Variants in PAPPA2 observed in about 807,000 individuals in gnomAD.
PAPPA2 encodes pappalysin-2.
A neutral mutation model predicts 176.4 loss-of-function variants in PAPPA2; 86 were observed. The observed-to-expected ratio is 0.49, with a 90% CI of 0.41 to 0.58. The LOEUF (loss-of-function observed/expected upper bound fraction) is 0.58, where lower values mean the gene tolerates loss of function less well. PAPPA2 is among the 20% of genes least tolerant of loss of function. The pLI is 0.00. For synonymous variants in PAPPA2, 809 were observed against 852.2 expected, an observed-to-expected ratio of 0.95 and a Z score of 0.88; for missense variants, 2,073 against 2,256.9, an observed-to-expected ratio of 0.92 and a Z score of 1.65.
Position 176,696,090 on chromosome 1 carries a change from G to A in PAPPA2, c.2746+231G>A, listed in dbSNP as rs182358024. On this transcript the variant is annotated intron_variant, in intron 7 of 22. Coordinates refer to ENST00000367662, the MANE Select transcript of PAPPA2 (RefSeq NM_020318.3). ...TGCCTAACATGGAGGCCCCATGGCTGTGGTAAAGCAGAGACCAGCATATAG... is the reference window on the plus strand; with the variant it reads ...TGCCTAACATGGAGGCCCCATGGCTATGGTAAAGCAGAGACCAGCATATAG... Among the ~76,000 whole-genome samples the A allele has an allele frequency of 2.7e-3, 417 of 152,024 alleles. 10 individuals carry two copies. Among genetic ancestry groups the A allele is most frequent in the Admixed American group, 0.026 (396 of 15,236 alleles).
At chr1:176,682,856 A>T (rs1233175528) in intron 4 of PAPPA2, among the ~76,000 whole-genome samples, 1 of 152,050 alleles carries the variant, frequency 6.6e-6, no homozygotes, top group Non-Finnish European at 1.5e-5. Context: ...TGAGGAGCAG[A>T]GTTTCACCAG....
intron 14 of PAPPA2, among the ~76,000 whole-genome samples, chr1:176,753,124 AG>A (rs540585588): frequency 3.3e-3 from 498 of 152,256 alleles, no homozygotes; most frequent in Non-Finnish European, 6.0e-3. Context: ...CATTTAGGAG[AG>A]GTAGACTCAG....
intron 3 of PAPPA2, 117 bp from the exon 4 acceptor site, chr1:176,670,853 C>G (rs1573226354): frequency 1.5e-6 from 2 of 1,314,656 alleles, no homozygotes; most frequent in South Asian, 1.3e-5. Context: ...TGCCCCATGC[C>G]CCTCCAAAAG....
chr1:176,544,739 T>C (rs918482491), intron 1 of PAPPA2, among the ~76,000 whole-genome samples: 4 of 152,144 alleles, frequency 2.6e-5, no homozygotes, highest in African/African-American at 9.7e-5. Flanking sequence ...CAATTGCAAA[T>C]GAGAGGTTAC....
intron 1 of PAPPA2, among the ~76,000 whole-genome samples, chr1:176,470,957 T>C (rs115429017): frequency 0.029 from 4,460 of 152,118 alleles, 210 homozygotes; most frequent in African/African-American, 0.1. Context: ...TCGGGTCAAA[T>C]AGCACATCCT....
intron 3 of PAPPA2, among the ~76,000 whole-genome samples, chr1:176,657,208 A>G (rs1483688518): frequency 2.0e-5 from 3 of 151,988 alleles, no homozygotes; most frequent in South Asian, 4.1e-4. Context: ...ATTGACATCT[A>G]TACCAAAATC....
chr1:176,622,054 G>A (rs1655629142), intron 3 of PAPPA2, among the ~76,000 whole-genome samples: 1 of 152,048 alleles, frequency 6.6e-6, no homozygotes. Flanking sequence ...CCAGAATGCT[G>A]AGAATTAGAC....
chr1:176,792,154 A>ATGCC (rs1248754335), intron 19 of PAPPA2, among the ~76,000 whole-genome samples: 1 of 152,206 alleles, frequency 6.6e-6, no homozygotes, highest in Non-Finnish European at 1.5e-5. Flanking sequence ...CTGCAGAGGA[A>ATGCC]TAGGCTCCAG....
intron 3 of PAPPA2, among the ~76,000 whole-genome samples, chr1:176,598,679 T>C (rs1192678149): frequency 6.6e-6 from 1 of 152,192 alleles, no homozygotes; most frequent in African/African-American, 2.4e-5. Context: ...GTTCCCCTCC[T>C]CTGAGCTGTT....
intron 1 of PAPPA2, among the ~76,000 whole-genome samples, chr1:176,506,814 T>A (rs1648294425): frequency 2.0e-5 from 3 of 152,086 alleles, no homozygotes; most frequent in Admixed American, 2.0e-4. Context: ...TAGTTTGGCT[T>A]TGTAAGACCT....
chr1:176,671,900 G>A (rs900917799), intron 4 of PAPPA2, among the ~76,000 whole-genome samples: 2 of 131,798 alleles, frequency 1.5e-5, no homozygotes, highest in Non-Finnish European at 3.2e-5. Flanking sequence ...ATCACACTCT[G>A]GGGACTGTTG....
At chr1:176,590,797 T>C (rs1423650721) in intron 2 of PAPPA2, among the ~76,000 whole-genome samples, 5 of 152,166 alleles carry the variant, frequency 3.3e-5, no homozygotes, top group Non-Finnish European at 7.3e-5. Flanking sequence ...TTTAACCACA[T>C]GCACTATGGT....
chr1:176,784,823 T>C (rs1236766986), intron 17 of PAPPA2, among the ~76,000 whole-genome samples: 1 of 152,080 alleles, frequency 6.6e-6, no homozygotes, highest in Non-Finnish European at 1.5e-5. Context: ...CCTGACCTCA[T>C]GATCCACCCA....
chr1:176,475,178 C>T (rs1260258746), intron 1 of PAPPA2, among the ~76,000 whole-genome samples: 1 of 152,098 alleles, frequency 6.6e-6, no homozygotes, highest in African/African-American at 2.4e-5. Context: ...GTACGTGGCT[C>T]ATCTAAAACA....
chr1:176,467,886 C>A (rs1651699421), intron 1 of PAPPA2, among the ~76,000 whole-genome samples: 2 of 152,124 alleles, frequency 1.3e-5, no homozygotes, highest in African/African-American at 4.8e-5. Flanking sequence ...GCTGAAAATG[C>A]AGATTAAATC....
intron 3 of PAPPA2, among the ~76,000 whole-genome samples, chr1:176,601,690 G>A (rs1654331093): frequency 6.6e-6 from 1 of 152,208 alleles, no homozygotes; most frequent in Non-Finnish European, 1.5e-5. Context: ...GGTGTTGAGT[G>A]TCCACTTCAG....
At chr1:176,816,152 GTATATATATATATATATA>G (rs373739173) in intron 21 of PAPPA2, among the ~76,000 whole-genome samples, 52 of 42,280 alleles carry the variant, frequency 1.2e-3, no homozygotes, top group Admixed American at 3.3e-3. Context: ...CTTTCACAGT[GTATATATATATATATATA>G]TATATATATA....
chr1:176,702,570 G>A lies in PAPPA2; in HGVS notation c.3237-37G>A, dbSNP rs1048158219. On this transcript the variant is annotated intron_variant, in intron 8 of 22. Transcript: ENST00000367662. ...AAGGACCCAGGGCATGCCTCACTTT[G>A]TGGCTGTAGTGGTCACAAACCCTTT... 9 of 1,608,880 alleles carry A rather than the reference G, an allele frequency of 5.6e-6. No homozygotes were observed. The Admixed American group carries it at 1.3e-4, about 24-fold the overall frequency.
chr1:176,727,306 A>G (rs1661926372), intron 12 of PAPPA2, among the ~76,000 whole-genome samples: 2 of 152,102 alleles, frequency 1.3e-5, no homozygotes, highest in Admixed American at 1.3e-4. Flanking sequence ...CAGTTACAAA[A>G]CTGTTTATGA....
Sources: allele counts gnomAD v4.1 joint callset (sites outside exome capture counted in the v4.1 genomes callset), GRCh38; gene constraint gnomAD v4.1.1; transcripts MANE v1.5; gene names NCBI Gene and HGNC (gene_info 2026-07-23, HGNC 2026-07-21).